The following CSNK2A2IP variants were observed in gnomAD, a reference collection of about 807,000 sequenced individuals.
The protein encoded by CSNK2A2IP is casein kinase II subunit alpha'-interacting protein.
chr3:88,405,132 A>T, the CSNK2A2IP span, among the ~76,000 whole-genome samples: 35 of 152,182 alleles, frequency 2.3e-4, no homozygotes, highest in Admixed American at 6.6e-4. Flanking sequence ...TATAAATTCC[A>T]CTTGCCCATG....
the CSNK2A2IP span, chr3:88,465,579 A>G: frequency 8.1e-7 from 1 of 1,231,628 alleles, no homozygotes. Flanking sequence ...CTTCTCCCAA[A>G]TCTCAGGACA....
the CSNK2A2IP span, among the ~76,000 whole-genome samples, chr3:88,400,760 T>C: frequency 6.6e-6 from 1 of 152,218 alleles, no homozygotes; most frequent in Admixed American, 6.5e-5. Flanking sequence ...AAACCTGTGT[T>C]AGACTTCTAG....
chr3:88,396,261 T>A, the CSNK2A2IP span, among the ~76,000 whole-genome samples: 6 of 151,288 alleles, frequency 4.0e-5, no homozygotes, highest in Non-Finnish European at 7.4e-5. Flanking sequence ...GCCCGCCACC[T>A]CGCCCGGCTA....
chr3:88,430,441 A>G, the CSNK2A2IP span, among the ~76,000 whole-genome samples: 2 of 152,148 alleles, frequency 1.3e-5, no homozygotes, highest in African/African-American at 2.4e-5. Context: ...ATATAACAAG[A>G]TAATGCTCCT....
At chr3:88,403,808 G>A in the CSNK2A2IP span, among the ~76,000 whole-genome samples, 1,590 of 152,140 alleles carry the variant, frequency 0.01, 21 homozygotes, top group African/African-American at 0.036. Flanking sequence ...TGTTTTAAAC[G>A]AAATTATTTC....
the CSNK2A2IP span, among the ~76,000 whole-genome samples, chr3:88,453,013 T>A: frequency 6.6e-4 from 101 of 152,238 alleles, no homozygotes; most frequent in Non-Finnish European, 1.2e-3. Flanking sequence ...GGTTTATATT[T>A]GTATAAAAGT....
the CSNK2A2IP span, among the ~76,000 whole-genome samples, chr3:88,411,470 G>A: frequency 6.6e-6 from 1 of 151,480 alleles, no homozygotes; most frequent in Non-Finnish European, 1.5e-5. Context: ...GATCTTATAA[G>A]CTTGGATTAT....
the CSNK2A2IP span, among the ~76,000 whole-genome samples, chr3:88,399,997 C>T: frequency 7.3e-4 from 111 of 152,120 alleles, no homozygotes; most frequent in African/African-American, 2.4e-3. Flanking sequence ...ATGAATATCA[C>T]GTAATAGAAG....
the CSNK2A2IP span, among the ~76,000 whole-genome samples, chr3:88,463,184 T>C: frequency 1.5e-4 from 23 of 152,152 alleles, no homozygotes; most frequent in East Asian, 4.4e-3. Context: ...TCATGGAACT[T>C]CTCATTCTTC....
At chr3:88,412,816 C>T in the CSNK2A2IP span, among the ~76,000 whole-genome samples, 1 of 151,922 alleles carries the variant, frequency 6.6e-6, no homozygotes, top group Non-Finnish European at 1.5e-5. Flanking sequence ...TAGTACCACA[C>T]CGGTATTTCT....
At chr3:88,455,089 T>G in the CSNK2A2IP span, among the ~76,000 whole-genome samples, 1 of 144,904 alleles carries the variant, frequency 6.9e-6, no homozygotes, top group African/African-American at 2.5e-5. Flanking sequence ...CTGAATAATA[T>G]TCCATTGTTT....
At chr3:88,426,882 C>T in the CSNK2A2IP span, among the ~76,000 whole-genome samples, 5,333 of 57,062 alleles carry the variant, frequency 0.093, 333 homozygotes, top group African/African-American at 0.22. Context: ...ATTGGTACCA[C>T]GGGGGATGGG....
At chr3:88,357,498 T>G in the CSNK2A2IP span, among the ~76,000 whole-genome samples, 14 of 152,206 alleles carry the variant, frequency 9.2e-5, no homozygotes, top group Non-Finnish European at 1.3e-4. Context: ...TAGTATTATT[T>G]GAAGTCAGAT....
chr3:88,358,418 A>G, the CSNK2A2IP span, among the ~76,000 whole-genome samples: 3,879 of 152,274 alleles, frequency 0.025, 101 homozygotes, highest in East Asian at 0.073. Context: ...TCCGGATCTT[A>G]AACTAAAGGC....
At chr3:88,365,516 C>G in the CSNK2A2IP span, among the ~76,000 whole-genome samples, 1 of 152,172 alleles carries the variant, frequency 6.6e-6, no homozygotes. Flanking sequence ...AGGTCCTCAG[C>G]CTGCCATCAG....
the CSNK2A2IP span, among the ~76,000 whole-genome samples, chr3:88,346,383 T>C: frequency 6.6e-6 from 1 of 152,062 alleles, no homozygotes; most frequent in East Asian, 1.9e-4. Flanking sequence ...AAAGAATCCA[T>C]CCAGGGCTTT....
At chr3:88,402,032 T>G in the CSNK2A2IP span, among the ~76,000 whole-genome samples, 9 of 151,852 alleles carry the variant, frequency 5.9e-5, no homozygotes, top group African/African-American at 2.2e-4. Context: ...GTCTTTTTTT[T>G]TTTTTTGCCA....
At chr3:88,428,226 G>T in the CSNK2A2IP span, among the ~76,000 whole-genome samples, 1 of 152,110 alleles carries the variant, frequency 6.6e-6, no homozygotes, top group African/African-American at 2.4e-5. Flanking sequence ...CTCCCATTTG[G>T]AACGGCTGTA....
the CSNK2A2IP span, among the ~76,000 whole-genome samples, chr3:88,413,104 C>G: frequency 6.6e-6 from 1 of 151,966 alleles, no homozygotes; most frequent in African/African-American, 2.4e-5. Context: ...TTAATGCCAT[C>G]TGCCTCCTGT....
Sources: allele counts gnomAD v4.1 joint callset (sites outside exome capture counted in the v4.1 genomes callset), GRCh38; gene constraint gnomAD v4.1.1; transcripts MANE v1.5; gene names NCBI Gene and HGNC (gene_info 2026-07-23, HGNC 2026-07-21).